Variants in RAB27B observed in about 807,000 individuals in gnomAD.
The protein encoded by RAB27B is RAB27B, member RAS oncogene family.
In RAB27B, 15 loss-of-function variants were observed where a neutral mutation model predicts 24.6. That is an observed-to-expected ratio of 0.61 (90% CI 0.41 to 0.94). The LOEUF (loss-of-function observed/expected upper bound fraction) is 0.94, where lower values mean the gene tolerates loss of function less well. Among genes scored for constraint, RAB27B ranks in the 40% least tolerant of loss-of-function variants. RAB27B has a pLI of 0.00. For missense variants in RAB27B, 261 were observed against 266.8 expected, an observed-to-expected ratio of 0.98 and a Z score of 0.15; for synonymous variants, 105 against 92.5, an observed-to-expected ratio of 1.14 and a Z score of -0.78.
At chr18:54,827,656 C>T (rs1039700786), upstream of RAB27B, among the ~76,000 whole-genome samples, 6 of 152,130 alleles carry the variant, frequency 3.9e-5, no homozygotes, top group African/African-American at 1.4e-4. Context: ...ATTGGCATCT[C>T]GTTGTTTACT....
At chr18:54,858,746 T>A (rs1911891769) in intron 1 of RAB27B, among the ~76,000 whole-genome samples, 1 of 152,118 alleles carries the variant, frequency 6.6e-6, no homozygotes. Flanking sequence ...CAGTTTAGGT[T>A]ATTGGAAACT....
chr18:54,724,355 A>G (rs1306021610), intron 2 of RAB27B, among the ~76,000 whole-genome samples: 2 of 151,572 alleles, frequency 1.3e-5, no homozygotes, highest in Non-Finnish European at 3.0e-5. Flanking sequence ...TGTGGCTACT[A>G]GAAAAGTTAA....
intron 1 of RAB27B, among the ~76,000 whole-genome samples, chr18:54,835,673 A>G (rs561741562): frequency 1.3e-5 from 2 of 152,168 alleles, no homozygotes; most frequent in East Asian, 1.9e-4. Context: ...TGAAAAGTCT[A>G]TTCTTTAATC....
intron 2 of RAB27B, among the ~76,000 whole-genome samples, chr18:54,745,886 A>T (rs1910228899): frequency 6.7e-6 from 1 of 148,910 alleles, no homozygotes; most frequent in Admixed American, 6.7e-5. Context: ...AGTATTTATA[A>T]ATATTTATTA....
intron 1 of RAB27B, among the ~76,000 whole-genome samples, chr18:54,870,998 C>T (rs1912441330): frequency 6.6e-6 from 1 of 152,062 alleles, no homozygotes; most frequent in Admixed American, 6.5e-5. Flanking sequence ...AAAGAATATT[C>T]ATATAGTTTC....
chr18:54,882,717 A>C (rs537147963), intron 3 of RAB27B, among the ~76,000 whole-genome samples: 1 of 152,192 alleles, frequency 6.6e-6, no homozygotes, highest in Non-Finnish European at 1.5e-5. Context: ...TCTAAGAACT[A>C]AAAGAAGATC....
chr18:54,866,456 C>T (rs1479369388), intron 1 of RAB27B, among the ~76,000 whole-genome samples: 5 of 152,190 alleles, frequency 3.3e-5, no homozygotes, highest in South Asian at 2.1e-4. Context: ...CCACCACACC[C>T]GGCTAATTTT....
At chr18:54,723,704 A>G (rs1696997794) in intron 2 of RAB27B, among the ~76,000 whole-genome samples, 1 of 152,238 alleles carries the variant, frequency 6.6e-6, no homozygotes, top group African/African-American at 2.4e-5. Context: ...CTAGTAACAC[A>G]TCAACATTTA....
rs142484364 is a variant in RAB27B at position 54,733,658 on chromosome 18, C to G, written c.-20+15517C>G. 3.5e-3 allele frequency among the ~76,000 whole-genome samples: 479 copies of G among 137,242 alleles called. 51 individuals are homozygous for G. The highest frequency in any genetic ancestry group is 0.018 in the Admixed American group (253 of 13,828). The allele number at this position is 137,242 out of a possible 152,430, so 90.0% of individuals were successfully genotyped here. On this transcript the variant is annotated intron_variant, in intron 2 of 4. Transcript: ENST00000586570. ...AAATCTTCTGTTCTAGAGCCCCCCC[C>G]CCCCAAATTTGCTAAGCTCCTTGGC... is the stretch of plus-strand genomic sequence containing the variant.
intron 2 of RAB27B, among the ~76,000 whole-genome samples, chr18:54,782,627 A>G (rs1414411060): frequency 6.6e-6 from 1 of 152,188 alleles, no homozygotes; most frequent in African/African-American, 2.4e-5. Context: ...AACCTCTACA[A>G]TGATTTTCAA....
intron 1 of RAB27B, among the ~76,000 whole-genome samples, chr18:54,857,234 A>C (rs1911820288): frequency 6.6e-6 from 1 of 152,188 alleles, no homozygotes; most frequent in African/African-American, 2.4e-5. Flanking sequence ...TAACAAGTCT[A>C]ATGGTATGTG....
intron 1 of RAB27B, among the ~76,000 whole-genome samples, chr18:54,850,333 G>GATAGATATATATATATATAT (rs1911512934): frequency 1.1e-5 from 1 of 95,156 alleles, no homozygotes; most frequent in Non-Finnish European, 2.0e-5. Context: ...AAACAAACAG[G>GATAGATATATATATATATAT]ATATATATAT....
At position 54,833,234 on chromosome 18, in the gene RAB27B, C is replaced by CT. The variant is rs559070445; in HGVS notation, c.-20+4548dup. On this transcript the variant is annotated intron_variant, in intron 1 of 5. Coordinates refer to ENST00000262094, the MANE Select transcript of RAB27B (RefSeq NM_004163.4). ...CTTTCTTTTCTTTTTTTCTTTCTTTCTTTTTTTTTTTTTTGAGATGGAGTT... is the reference window on the plus strand; with the variant it reads ...CTTTCTTTTCTTTTTTTCTTTCTTTCTTTTTTTTTTTTTTTGAGATGGAGTT... Among the ~76,000 whole-genome samples the CT allele has an allele frequency of 2.1e-3, 266 of 129,490 alleles. 4 individuals are homozygous for CT. Among genetic ancestry groups the CT allele is most frequent in the African/African-American group, 5.9e-3 (206 of 34,704 alleles). The allele number at this position is 129,490 out of a possible 152,430, so 85.0% of individuals were successfully genotyped here.
At chr18:54,809,379 AGT>A (rs1909893680) in intron 2 of RAB27B, among the ~76,000 whole-genome samples, 1 of 152,150 alleles carries the variant, frequency 6.6e-6, no homozygotes, top group Non-Finnish European at 1.5e-5. Context: ...TGGGCCCCAG[AGT>A]GAGAACTATG....
At position 54,889,443 on chromosome 18, in the gene RAB27B, C is replaced by A. The variant is rs534953089; in HGVS notation, c.*30C>A. The stretch of plus-strand genomic sequence containing the variant: ...TACATAGAAACTGAACATCAAGAAC[C>A]CCACCAAAATATTACTTTTAAAAAC... On this transcript the variant is annotated 3_prime_UTR_variant, in exon 6 of 6. Transcript: ENST00000262094. 1 of 1,561,768 alleles carries A rather than the reference C, an allele frequency of 6.4e-7. No individual in the cohort carries two copies. Among genetic ancestry groups the A allele is most frequent in the South Asian group, 1.2e-5 (1 of 82,820 alleles).
At chr18:54,805,825 T>C (rs948500485) in intron 2 of RAB27B, among the ~76,000 whole-genome samples, 1 of 152,222 alleles carries the variant, frequency 6.6e-6, no homozygotes, top group African/African-American at 2.4e-5. Flanking sequence ...GGATCTTATA[T>C]AGAGTAATAA....
chr18:54,815,093 A>G (rs1037136639), intron 2 of RAB27B, among the ~76,000 whole-genome samples: 2 of 152,174 alleles, frequency 1.3e-5, no homozygotes, highest in Non-Finnish European at 2.9e-5. Flanking sequence ...TGCCATAGAT[A>G]TATCTGTGCT....
intron 1 of RAB27B, among the ~76,000 whole-genome samples, chr18:54,874,170 T>A (rs377646719): frequency 6.6e-6 from 1 of 152,164 alleles, no homozygotes; most frequent in African/African-American, 2.4e-5. Flanking sequence ...ATTCTACAAG[T>A]GGGAAGTAAT....
intron 1 of RAB27B, among the ~76,000 whole-genome samples, chr18:54,842,899 A>G (rs1264761563): frequency 6.6e-6 from 1 of 152,022 alleles, no homozygotes; most frequent in East Asian, 1.9e-4. Context: ...GGTTCATGCC[A>G]TTCTCCCACC....
Sources: allele counts gnomAD v4.1 joint callset (sites outside exome capture counted in the v4.1 genomes callset), GRCh38; gene constraint gnomAD v4.1.1; transcripts MANE v1.5; gene names NCBI Gene and HGNC (gene_info 2026-07-23, HGNC 2026-07-21).